The following SOCS3 variants were observed in gnomAD, a reference collection of about 807,000 sequenced individuals.
SOCS3 encodes STAT-induced STAT inhibitor 3.
Under a neutral mutation model 11.7 loss-of-function variants are expected in SOCS3, and 5 were observed. The observed-to-expected ratio is 0.43, with a 90% confidence interval of 0.22 to 0.90. The LOEUF (loss-of-function observed/expected upper bound fraction) is 0.90. Ranked by LOEUF, SOCS3 falls within the 40% of genes least tolerant of loss-of-function variation. The pLI, the probability that SOCS3 is intolerant of heterozygous loss-of-function variation, is 0.27. For synonymous variants in SOCS3, 143 were observed against 136.3 expected (o/e 1.05, Z -0.34); for missense variants, 203 against 302.0 (o/e 0.67, Z 2.43).
upstream of SOCS3, among the ~76,000 whole-genome samples, chr17:78,360,283 A>T (rs1437103244): frequency 6.7e-6 from 1 of 150,122 alleles, no homozygotes; most frequent in Non-Finnish European, 1.5e-5. This position sits in a 1 kb window ranked among gnomAD's most constrained non-coding sequence, Gnocchi z 5.6. Context: ...CGCGGAGACA[A>T]AGCGCGACGA....
Position 78,358,026 on chromosome 17 carries a change from T to G in SOCS3, c.*392A>C. 4.8e-6 allele frequency: 1 copy of G among 208,798 alleles called. No individual in the cohort carries two copies. Among genetic ancestry groups the G allele is most frequent in the Non-Finnish European group, 9.9e-6 (1 of 101,214 alleles). The allele number at this position is 208,798 out of a possible 1,614,324, so 12.9% of individuals were successfully genotyped here. A position where few individuals can be genotyped will look rare whatever the true frequency, so the allele number is the denominator to read the frequency against. On this transcript the variant is annotated 3_prime_UTR_variant, in exon 2 of 2. Coordinates refer to ENST00000330871, the MANE Select transcript of SOCS3 (RefSeq NM_003955.5). This position sits in a 1 kb window ranked among gnomAD's most constrained non-coding sequence, Gnocchi z 4.7. ...ACAACCAGCTCAGGTTTAAACCAAATCAAAGAGCAAACAAGTTCCGTTGGA... is the reference window on the plus strand; with the variant it reads ...ACAACCAGCTCAGGTTTAAACCAAAGCAAAGAGCAAACAAGTTCCGTTGGA...
At position 78,358,799 on chromosome 17, in the gene SOCS3, C is replaced by T. The variant is rs763413823; in HGVS notation, c.297G>A (p.Gly99=). ...GTKNLRIQCE[G]GSFSLQSDPR... Reference sequence around the variant, plus strand: ...GATCGCTCTGCAGAGAGAAGCTGCCCCCCTCACACTGGATGCGCAGGTTCT... The same window carrying T: ...GATCGCTCTGCAGAGAGAAGCTGCCTCCCTCACACTGGATGCGCAGGTTCT... Residue 99 remains glycine (G), a synonymous_variant, in exon 2 of 2, where the codon GGG becomes GGA. Transcript: ENST00000330871. This position sits in a 1 kb window ranked among gnomAD's most constrained non-coding sequence, Gnocchi z 4.7. 6 of 1,613,008 alleles carry T rather than the reference C, an allele frequency of 3.7e-6. No individual in the cohort carries two copies. The highest frequency in any genetic ancestry group is 8.5e-7 in the Non-Finnish European group (1 of 1,179,876).
Position 78,358,218 on chromosome 17 carries a change from TC to T in SOCS3, c.*199del. On this transcript the variant is annotated 3_prime_UTR_variant, in exon 2 of 2. Coordinates refer to ENST00000330871, the MANE Select transcript of SOCS3 (RefSeq NM_003955.5). This position sits in a 1 kb window ranked among gnomAD's most constrained non-coding sequence, Gnocchi z 4.7. ...GAGAAGCTGGAGACTCAGGTGGTAC[TC>T]CCCCTTCCCTCCAACACATTCCAGG... is the stretch of plus-strand genomic sequence containing the variant. 1.7e-6 allele frequency: 1 copy of T among 587,354 alleles called. No homozygotes were observed. 36.4% of individuals were successfully genotyped at this position (587,354 alleles called of 1,614,324 possible).
chr17:78,359,404 A>C (rs999773016), intron 1 of SOCS3, among the ~76,000 whole-genome samples: 9 of 152,090 alleles, frequency 5.9e-5, no homozygotes, highest in Non-Finnish European at 1.2e-4. Context: ...GCGCACTGCA[A>C]GGGCGCAGCG....
In SOCS3 at chr17:78,358,166, G is replaced by A. The variant is rs959214744; in HGVS notation, c.*252C>T. 3 of 502,846 alleles carry A rather than the reference G, an allele frequency of 6.0e-6. No homozygotes were observed. Among genetic ancestry groups the A allele is most frequent in the African/African-American group, 1.9e-5 (1 of 52,024 alleles). 31.1% of individuals were successfully genotyped at this position (502,846 alleles called of 1,614,324 possible). On this transcript the variant is annotated 3_prime_UTR_variant, in exon 2 of 2. Transcript: ENST00000330871. This position sits in a 1 kb window ranked among gnomAD's most constrained non-coding sequence, Gnocchi z 4.7. ...GGAGAATCCACTTGTGGTTGCTATCGTCCCACCAGGACAGCTGGCTCCTCC... is the reference window on the plus strand; with the variant it reads ...GGAGAATCCACTTGTGGTTGCTATCATCCCACCAGGACAGCTGGCTCCTCC...
chr17:78,359,211 G>C, intron 1 of SOCS3, 28 bp from the exon 2 acceptor site: 2 of 1,172,012 alleles, frequency 1.7e-6, no homozygotes, highest in Non-Finnish European at 2.3e-6. Flanking sequence ...CGAGCGCGTT[G>C]AGTGCCCGGA....
chr17:78,358,307 C>CA lies in SOCS3; in HGVS notation c.*110dup, dbSNP rs1375795589. The CA allele has an allele frequency of 9.8e-7, 1 of 1,025,042 alleles. No homozygotes were observed. Among genetic ancestry groups the CA allele is most frequent in the Non-Finnish European group, 1.5e-6 (1 of 677,910 alleles). 63.5% of individuals were successfully genotyped at this position (1,025,042 alleles called of 1,614,324 possible). ...GGGGCCTGTCCGCCCTCTTTCCCCC[C>CA]AGAGCTACAGGACTCTCTCCTGGTT... On this transcript the variant is annotated 3_prime_UTR_variant, in exon 2 of 2. Transcript: ENST00000330871. This position sits in a 1 kb window ranked among gnomAD's most constrained non-coding sequence, Gnocchi z 4.7.
intron 1 of SOCS3, among the ~76,000 whole-genome samples, 186 bp downstream of exon 1, chr17:78,359,564 G>A (rs2081595442): frequency 1.3e-5 from 2 of 152,170 alleles, no homozygotes; most frequent in Admixed American, 1.3e-4. Context: ...GGGGTAGGGA[G>A]GGGACAGGAG....
chr17:78,359,557 G>A (rs1165149602), intron 1 of SOCS3, among the ~76,000 whole-genome samples, 193 bp downstream of exon 1: 1 of 152,162 alleles, frequency 6.6e-6, no homozygotes, highest in East Asian at 1.9e-4. Flanking sequence ...AGGCACGGGG[G>A]TAGGGAGGGG....
rs761295966 is a variant in SOCS3, at chr17:78,358,186, TC to T, written c.*231del. The T allele has an allele frequency of 4.8e-4, 264 of 551,742 alleles. 2 individuals carry two copies. The highest frequency in any genetic ancestry group is 4.8e-4 in the Middle Eastern group (1 of 2,102). The allele number at this position is 551,742 out of a possible 1,614,324, so 34.2% of individuals were successfully genotyped here. On this transcript the variant is annotated 3_prime_UTR_variant, in exon 2 of 2. Transcript: ENST00000330871. This position sits in a 1 kb window ranked among gnomAD's most constrained non-coding sequence, Gnocchi z 4.7. Reference sequence around the variant, plus strand: ...CTATCGTCCCACCAGGACAGCTGGCTCCTCCGGAGAAGCTGGAGACTCAGGT... The same window carrying T: ...CTATCGTCCCACCAGGACAGCTGGCTCTCCGGAGAAGCTGGAGACTCAGGT...
intron 1 of SOCS3, among the ~76,000 whole-genome samples, 197 bp from the exon 2 acceptor site, chr17:78,359,380 GC>G (rs1428545860): frequency 1.3e-5 from 2 of 152,112 alleles, no homozygotes; most frequent in African/African-American, 4.8e-5. Flanking sequence ...GCCCCGGGCA[GC>G]CCCTTCCCAG....
chr17:78,358,748 G>A lies in SOCS3; in HGVS notation c.348C>T (p.Arg116=). The part of the protein sequence containing the change: ...SDPRSTQPVP[R]FDCVLKLVHH... Reference sequence around the variant, plus strand: ...GCACCAGCTTGAGCACGCAGTCGAAGCGGGGCACGGGCTGCGTGCTCCGGG... The same window carrying A: ...GCACCAGCTTGAGCACGCAGTCGAAACGGGGCACGGGCTGCGTGCTCCGGG... The change falls in exon 2 of 2, where the codon CGC becomes CGT. Residue 116 remains arginine, a synonymous_variant. Coordinates refer to ENST00000330871, the MANE Select transcript of SOCS3 (RefSeq NM_003955.5). The surrounding 1 kb of genome is among the most constrained non-coding windows in gnomAD (Gnocchi z 4.7). 6.2e-7 allele frequency: 1 copy of A among 1,612,838 alleles called. No individual in the cohort carries two copies. The highest frequency in any genetic ancestry group is 8.5e-7 in the Non-Finnish European group (1 of 1,179,870).
chr17:78,358,967 C>T lies in SOCS3; in HGVS notation c.129G>A (p.Glu43=), dbSNP rs1306840405. Residue 43 remains glutamate (E), a synonymous_variant, in exon 2 of 2, where the codon GAG becomes GAA. Coordinates refer to ENST00000330871, the MANE Select transcript of SOCS3 (RefSeq NM_003955.5). This position sits in a 1 kb window ranked among gnomAD's most constrained non-coding sequence, Gnocchi z 4.7. ...TCACTGCGCTCCAGTAGAAGCCGCT[C>T]TCCTGCAGCTTGCGCACTGCGTTCA... ...LVVNAVRKLQ[E]SGFYWSAVTG... 11 of 1,583,360 alleles carry T rather than the reference C, an allele frequency of 6.9e-6. No homozygotes were observed. Among genetic ancestry groups the T allele is most frequent in the Non-Finnish European group, 9.4e-6 (11 of 1,165,348 alleles).
At position 78,358,228 on chromosome 17, in the gene SOCS3, C is replaced by T. The variant is rs977754411; in HGVS notation, c.*190G>A. The T allele has an allele frequency of 1.1e-5, 7 of 611,706 alleles. No individual in the cohort carries two copies. The Admixed American group carries it at 2.1e-4, about 18-fold the overall frequency. 37.9% of individuals were successfully genotyped at this position (611,706 alleles called of 1,614,324 possible). ...AGACTCAGGTGGTACTCCCCCTTCC[C>T]TCCAACACATTCCAGGTCCGCCTGC... On this transcript the variant is annotated 3_prime_UTR_variant, in exon 2 of 2. Coordinates refer to ENST00000330871, the MANE Select transcript of SOCS3 (RefSeq NM_003955.5). The surrounding 1 kb of genome is among the most constrained non-coding windows in gnomAD (Gnocchi z 4.7).
intron 1 of SOCS3, 101 bp from the exon 2 acceptor site, chr17:78,359,284 C>T (rs2081592899): frequency 1.9e-6 from 1 of 524,948 alleles, no homozygotes; most frequent in Admixed American, 4.3e-5. Flanking sequence ...GGGGCACCCA[C>T]TGCCCCGGGG....
chr17:78,358,345 TTGTGCCA>T lies in SOCS3; in HGVS notation c.*66_*72del, dbSNP rs1046087170. On this transcript the variant is annotated 3_prime_UTR_variant, in exon 2 of 2. Transcript: ENST00000330871. The surrounding 1 kb of genome is among the most constrained non-coding windows in gnomAD (Gnocchi z 4.7). The stretch of plus-strand genomic sequence containing the variant: ...CTCTCTCCTGGTTGGCTTCTTGTGC[TTGTGCCA>T]TGTGCCACGGAGGAGAGGGGCCTGC... 9 of 1,494,714 alleles carry T rather than the reference TTGTGCCA, an allele frequency of 6.0e-6. No individual in the cohort carries two copies. In the African/African-American group the frequency reaches 9.7e-5, roughly 16 times the overall value. 92.6% of individuals were successfully genotyped at this position (1,494,714 alleles called of 1,614,324 possible). A position where few individuals can be genotyped will look rare whatever the true frequency, so the allele number is the denominator to read the frequency against.
rs1463980289 is a variant in SOCS3 at position 78,357,781 on chromosome 17, T to G, written c.*637A>C. 6.6e-6 allele frequency: 1 copy of G among 152,562 alleles called. No homozygotes were observed. The highest frequency in any genetic ancestry group is 1.5e-5 in the Non-Finnish European group (1 of 68,266). 9.5% of individuals were successfully genotyped at this position (152,562 alleles called of 1,614,324 possible). ...CTGGGCTCTCAGGCACCAGGTAGAC[T>G]TTGGAACCTGTGTTTTCGGTGACTG... On this transcript the variant is annotated 3_prime_UTR_variant, in exon 2 of 2. Transcript: ENST00000330871. This position sits in a 1 kb window ranked among gnomAD's most constrained non-coding sequence, Gnocchi z 7.0.
upstream of SOCS3, chr17:78,360,606 A>G (rs1047434517): frequency 6.6e-6 from 1 of 152,152 alleles, no homozygotes; most frequent in African/African-American, 2.4e-5. This position sits in a 1 kb window ranked among gnomAD's most constrained non-coding sequence, Gnocchi z 5.6. Flanking sequence ...GGGCCAGCCG[A>G]AAGGGAAGTG....
chr17:78,358,212 T>G lies in SOCS3; in HGVS notation c.*206A>C, dbSNP rs1399092162. ...CCTCCGGAGAAGCTGGAGACTCAGG[T>G]GGTACTCCCCCTTCCCTCCAACACA... is the stretch of plus-strand genomic sequence containing the variant. On this transcript the variant is annotated 3_prime_UTR_variant, in exon 2 of 2. Coordinates refer to ENST00000330871, the MANE Select transcript of SOCS3 (RefSeq NM_003955.5). This position sits in a 1 kb window ranked among gnomAD's most constrained non-coding sequence, Gnocchi z 4.7. 35 of 575,656 alleles carry G rather than the reference T, an allele frequency of 6.1e-5. No individual in the cohort carries two copies. The highest frequency in any genetic ancestry group is 1.2e-5 in the Non-Finnish European group (4 of 323,866). The allele number at this position is 575,656 out of a possible 1,614,324, so 35.7% of individuals were successfully genotyped here.
Sources: allele counts gnomAD v4.1 joint callset (sites outside exome capture counted in the v4.1 genomes callset), GRCh38; gene constraint gnomAD v4.1.1; non-coding constraint Gnocchi (gnomAD v3.1); transcripts MANE v1.5; gene names NCBI Gene and HGNC (gene_info 2026-07-23, HGNC 2026-07-21).